The following DPP6 variants were observed in gnomAD, a reference collection of about 807,000 sequenced individuals.
DPP6 encodes A-type potassium channel modulatory protein DPP6.
A neutral mutation model predicts 122.6 loss-of-function variants in DPP6; 69 were observed. That is an observed-to-expected ratio of 0.56 (90% CI 0.46 to 0.69). The LOEUF (loss-of-function observed/expected upper bound fraction) is 0.69, where lower values mean the gene tolerates loss of function less well. Ranked by LOEUF, DPP6 falls within the 30% of genes least tolerant of loss-of-function variation. The pLI is 0.00. For missense variants in DPP6, 928 were observed against 1,116.9 expected (o/e 0.83, Z 2.41); for synonymous variants, 418 against 433.1 (o/e 0.97, Z 0.43).
intron 1 of DPP6, among the ~76,000 whole-genome samples, chr7:154,076,997 T>C (rs549302879): frequency 1.3e-5 from 2 of 152,342 alleles, no homozygotes; most frequent in African/African-American, 4.8e-5. Flanking sequence ...AAGTTTACCA[T>C]GTAGATTTCT....
chr7:154,483,842 A>C lies in DPP6; in HGVS notation c.457+8805A>C, dbSNP rs1029186875. 2.6e-5 allele frequency among the ~76,000 whole-genome samples: 4 copies of C among 152,084 alleles called. No individual in the cohort carries two copies. The highest frequency in any genetic ancestry group is 5.9e-5 in the Non-Finnish European group (4 of 68,014). On this transcript the variant is annotated intron_variant, in intron 3 of 25. Coordinates refer to ENST00000377770, the MANE Select transcript of DPP6 (RefSeq NM_130797.4). This position sits in a 1 kb window ranked among gnomAD's most constrained non-coding sequence, Gnocchi z 8.1. ...CCCTAGTAGCTGGGATTACAGGTGC[A>C]CACCATCACGCCTAGCTAATTTTTG... is the stretch of plus-strand genomic sequence containing the variant.
In DPP6 at chr7:154,670,419, C is replaced by T. The variant is rs531639240; in HGVS notation, c.762+978C>T. 9.2e-5 allele frequency among the ~76,000 whole-genome samples: 14 copies of T among 152,336 alleles called. No homozygotes were observed. The East Asian group carries it at 2.5e-3, about 27-fold the overall frequency. Reference sequence around the variant, plus strand: ...ACTGCCGAGCTGGCCTTGGACAGCACCTCCCGCTGTCAGGCTGTAGGCAGC... The same window carrying T: ...ACTGCCGAGCTGGCCTTGGACAGCATCTCCCGCTGTCAGGCTGTAGGCAGC... On this transcript the variant is annotated intron_variant, in intron 7 of 25. Coordinates refer to ENST00000377770, the MANE Select transcript of DPP6 (RefSeq NM_130797.4).
chr7:154,722,272 TC>T (rs1331423338), intron 7 of DPP6, among the ~76,000 whole-genome samples: 5 of 152,204 alleles, frequency 3.3e-5, no homozygotes, highest in African/African-American at 1.2e-4. Context: ...CAGATAACAG[TC>T]CAGCAGCTGG....
At chr7:154,586,378 A>G (rs985116787) in intron 5 of DPP6, among the ~76,000 whole-genome samples, 10 of 152,274 alleles carry the variant, frequency 6.6e-5, no homozygotes, top group Middle Eastern at 6.8e-3. Context: ...GCCTGCCCTT[A>G]TGCCCACTAA....
In DPP6 at chr7:154,801,431, A is replaced by C; in HGVS notation, c.1376A>C (p.Lys459Thr). The C allele has an allele frequency of 1.3e-6, 2 of 1,592,540 alleles. No homozygotes were observed. The highest frequency in any genetic ancestry group is 1.7e-6 in the Non-Finnish European group (2 of 1,168,528). Residue 459 changes from lysine (K) to threonine (T), a missense_variant, in exon 13 of 26, where the codon AAA becomes ACA. Coordinates refer to ENST00000377770, the MANE Select transcript of DPP6 (RefSeq NM_130797.4). ...GCCATCCCCCAGGGAGGACGAGGGAAATTCTATCACATCACGGTGTCCTCG... is the reference window on the plus strand; with the variant it reads ...GCCATCCCCCAGGGAGGACGAGGGACATTCTATCACATCACGGTGTCCTCG... ...IRAIPQGGRG[K>T]FYHITVSSSQ...
At chr7:154,431,741 G>A (rs1032661554) in intron 1 of DPP6, among the ~76,000 whole-genome samples, 5 of 151,838 alleles carry the variant, frequency 3.3e-5, no homozygotes, top group African/African-American at 1.2e-4. Context: ...CTCCATGTTG[G>A]TCAGGCTGGT....
chr7:154,562,767 A>G (rs1382888450), intron 4 of DPP6, among the ~76,000 whole-genome samples: 2 of 152,208 alleles, frequency 1.3e-5, no homozygotes, highest in African/African-American at 4.8e-5. Flanking sequence ...CAGGATACCC[A>G]AATGAATTTT....
intron 1 of DPP6, among the ~76,000 whole-genome samples, chr7:154,111,369 T>A (rs1229042834): frequency 6.6e-6 from 1 of 152,170 alleles, no homozygotes; most frequent in Admixed American, 6.5e-5. Context: ...GGGATAATAA[T>A]GGTGTCTGTC....
At chr7:154,853,143 C>T (rs1286312272) in intron 16 of DPP6, among the ~76,000 whole-genome samples, 1 of 152,170 alleles carries the variant, frequency 6.6e-6, no homozygotes, top group Non-Finnish European at 1.5e-5. Context: ...TCTCCTTTTG[C>T]TAAGAAGAAT....
intron 1 of DPP6, among the ~76,000 whole-genome samples, chr7:154,145,586 G>A (rs1433155796): frequency 4.8e-5 from 7 of 145,964 alleles, no homozygotes; most frequent in Non-Finnish European, 9.0e-5. Flanking sequence ...GAGAGTGAAT[G>A]TGTCAGTGTT....
At chr7:154,002,666 T>C (rs1178110820) in intron 1 of DPP6, among the ~76,000 whole-genome samples, 1 of 151,996 alleles carries the variant, frequency 6.6e-6, no homozygotes, top group Non-Finnish European at 1.5e-5. Flanking sequence ...TGGGACCATG[T>C]TGGGGAGGAT....
At chr7:154,801,271 C>G in intron 12 of DPP6, 84 bp from the exon 13 acceptor site, 1 of 1,518,272 alleles carries the variant, frequency 6.6e-7, no homozygotes. Context: ...GAAAATGTAT[C>G]TCGGGGTGTA....
chr7:154,486,860 G>A lies in DPP6; in HGVS notation c.457+11823G>A, dbSNP rs896980002. Among the ~76,000 whole-genome samples the A allele has an allele frequency of 6.6e-6, 1 of 152,188 alleles. No homozygotes were observed. The highest frequency in any genetic ancestry group is 6.5e-5 in the Admixed American group (1 of 15,278). On this transcript the variant is annotated intron_variant, in intron 3 of 25. Transcript: ENST00000377770. This position sits in a 1 kb window ranked among gnomAD's most constrained non-coding sequence, Gnocchi z 4.5. ...CTGTAGGTCCTCTGGGCGGACTCTAGTTCCTAACTGATGGATGATGCTGGG... is the reference window on the plus strand; with the variant it reads ...CTGTAGGTCCTCTGGGCGGACTCTAATTCCTAACTGATGGATGATGCTGGG...
At chr7:153,809,167 T>C in the DPP6 span, among the ~76,000 whole-genome samples, 25,915 of 152,006 alleles carry the variant, frequency 0.17, 2,588 homozygotes, top group Admixed American at 0.32. Context: ...CACCTTAATA[T>C]ACACCTGTTG....
intron 1 of DPP6, among the ~76,000 whole-genome samples, chr7:153,952,473 TAAAG>T (rs571341491): frequency 4.1e-4 from 63 of 152,320 alleles, no homozygotes; most frequent in African/African-American, 1.4e-3. Context: ...ATATGCAAAT[TAAAG>T]AAAGTGTTTT....
chr7:154,233,466 A>G (rs1240111862), intron 1 of DPP6, among the ~76,000 whole-genome samples: 1 of 152,202 alleles, frequency 6.6e-6, no homozygotes, highest in Non-Finnish European at 1.5e-5. Flanking sequence ...GTATTTGACT[A>G]GGGGTCTTTA....
intron 1 of DPP6, among the ~76,000 whole-genome samples, chr7:154,172,309 C>G (rs540192135): frequency 6.6e-6 from 1 of 151,984 alleles, no homozygotes; most frequent in East Asian, 1.9e-4. Flanking sequence ...TATCAAGGAG[C>G]GATAAGAGCC....
At chr7:153,910,515 C>T (rs1800042917) in intron 1 of DPP6, among the ~76,000 whole-genome samples, 1 of 152,104 alleles carries the variant, frequency 6.6e-6, no homozygotes, top group Non-Finnish European at 1.5e-5. Context: ...TCTGCCTTTT[C>T]CTAGATGGCC....
At chr7:154,248,372 G>T (rs1452297423) in intron 1 of DPP6, among the ~76,000 whole-genome samples, 2 of 152,178 alleles carry the variant, frequency 1.3e-5, no homozygotes, top group Non-Finnish European at 2.9e-5. Flanking sequence ...AGGCAAAAAG[G>T]ACGTGCTCTG....
Sources: gnomAD v4.1 joint callset for allele counts (sites outside exome capture counted in the v4.1 genomes callset) on GRCh38, gnomAD v4.1.1 for gene constraint, Gnocchi (gnomAD v3.1) non-coding constraint, MANE v1.5 for transcripts, NCBI Gene and HGNC (gene_info 2026-07-23, HGNC 2026-07-21) for gene names.